ASAP2: variants seen among roughly 807,000 people sequenced by gnomAD.
ASAP2 encodes ArfGAP with SH3 domain, ankyrin repeat and PH domain 2, also known as arf-GAP with SH3 domain, ANK repeat and PH domain-containing protein 2.
A neutral mutation model predicts 131.4 loss-of-function variants in ASAP2; 45 were observed. The ratio of observed to expected loss-of-function variants is 0.34; its 90% CI spans 0.27 to 0.44. The LOEUF (loss-of-function observed/expected upper bound fraction) is 0.44, where lower values mean the gene tolerates loss of function less well. Among genes scored for constraint, ASAP2 ranks in the 20% least tolerant of loss-of-function variants. The probability of loss-of-function intolerance (pLI) is 1.00; values close to 1 mark genes in which losing one functional copy is unlikely to be tolerated. For synonymous variants in ASAP2, 510 were observed against 503.0 expected (o/e 1.01, Z -0.19); for missense variants, 1,011 against 1,297.0 (o/e 0.78, Z 3.39).
At chr2:9,228,480 T>C (rs1336202761) in intron 1 of ASAP2, among the ~76,000 whole-genome samples, 2 of 152,220 alleles carry the variant, frequency 1.3e-5, no homozygotes, top group Non-Finnish European at 2.9e-5. Context: ...ATTTGGTCTT[T>C]GGTCTCTTTC....
intron 25 of ASAP2, 118 bp downstream of exon 25, chr2:9,400,190 G>GCCCTCCGGCCCCTC (rs1558405673): frequency 1.2e-6 from 1 of 804,750 alleles, no homozygotes; most frequent in African/African-American, 3.1e-5. Context: ...CCATTCCACA[G>GCCCTCCGGCCCCTC]CCCTCCTGCC....
chr2:9,363,546 T>C (rs902905826), intron 15 of ASAP2, among the ~76,000 whole-genome samples: 2 of 152,210 alleles, frequency 1.3e-5, no homozygotes, highest in Admixed American at 6.5e-5. Flanking sequence ...TAATGCTGTG[T>C]ACTTTTTCAT....
rs1397340627 is a variant in ASAP2 at position 9,232,016 on chromosome 2, G to A, written c.126+24786G>A. On this transcript the variant is annotated intron_variant, in intron 1 of 27. Coordinates refer to ENST00000281419, the MANE Select transcript of ASAP2 (RefSeq NM_003887.3). This position sits in a 1 kb window ranked among gnomAD's most constrained non-coding sequence, Gnocchi z 4.1. Reference sequence around the variant, plus strand: ...GCCCCTTCTCTCCATTCCTCCAGCTGCAGTGGGTGCCCCTGTCATTTGTCA... The same window carrying A: ...GCCCCTTCTCTCCATTCCTCCAGCTACAGTGGGTGCCCCTGTCATTTGTCA... Among the ~76,000 whole-genome samples, 4 of 152,194 alleles carry A rather than the reference G, an allele frequency of 2.6e-5. No individual in the cohort carries two copies. The highest frequency in any genetic ancestry group is 7.2e-5 in the African/African-American group (3 of 41,464).
At chr2:9,388,999 T>C (rs965186043) in intron 22 of ASAP2, among the ~76,000 whole-genome samples, 3 of 152,314 alleles carry the variant, frequency 2.0e-5, no homozygotes, top group African/African-American at 7.2e-5. Flanking sequence ...ATAAAAGATA[T>C]TGGGGAACGA....
At chr2:9,328,167 C>G (rs190727438) in intron 7 of ASAP2, among the ~76,000 whole-genome samples, 350 of 152,182 alleles carry the variant, frequency 2.3e-3, no homozygotes, top group Non-Finnish European at 4.0e-3. Context: ...AGACAGAAAG[C>G]AGGTGAGTGA....
At chr2:9,290,097 T>G (rs1667718639) in intron 2 of ASAP2, among the ~76,000 whole-genome samples, 1 of 152,236 alleles carries the variant, frequency 6.6e-6, no homozygotes, top group Admixed American at 6.5e-5. Context: ...ACTTCTGTCT[T>G]GTCAAAGATG....
chr2:9,264,201 T>TA (rs1665781411), intron 1 of ASAP2, among the ~76,000 whole-genome samples: 4 of 130,746 alleles, frequency 3.1e-5, no homozygotes, highest in African/African-American at 9.4e-5. Flanking sequence ...AAAAAAATAA[T>TA]AATAATAATA....
intron 15 of ASAP2, among the ~76,000 whole-genome samples, chr2:9,360,581 A>G (rs568312935): frequency 6.6e-6 from 1 of 152,198 alleles, no homozygotes; most frequent in African/African-American, 2.4e-5. Flanking sequence ...CTGGTTTGCA[A>G]CCTGCCTGTT....
At chr2:9,239,994 C>T (rs1167197734) in intron 1 of ASAP2, among the ~76,000 whole-genome samples, 6 of 152,042 alleles carry the variant, frequency 3.9e-5, no homozygotes, top group Non-Finnish European at 7.4e-5. Context: ...AATTCTTTTC[C>T]CTGTCCTGCT....
chr2:9,247,903 C>T (rs184954004), intron 1 of ASAP2, among the ~76,000 whole-genome samples: 2 of 152,218 alleles, frequency 1.3e-5, no homozygotes, highest in African/African-American at 2.4e-5. Context: ...CTCTGCCCCC[C>T]ACACTGATAA....
intron 2 of ASAP2, among the ~76,000 whole-genome samples, chr2:9,290,013 CT>C (rs531679613): frequency 1.2e-3 from 176 of 152,192 alleles, no homozygotes; most frequent in African/African-American, 3.9e-3. Context: ...CTTCCAGTTG[CT>C]CATCCTGCAC....
chr2:9,272,948 T>C (rs1445578975), intron 1 of ASAP2, among the ~76,000 whole-genome samples: 5 of 152,232 alleles, frequency 3.3e-5, no homozygotes, highest in Admixed American at 1.3e-4. Context: ...TTGGCTACTA[T>C]AGCTCTATAG....
At chr2:9,271,452 T>A in intron 1 of ASAP2, 1 of 1,404,208 alleles carries the variant, frequency 7.1e-7, no homozygotes, top group South Asian at 1.2e-5. Flanking sequence ...ACGCCTTCAC[T>A]GGTTTCTTTT....
At chr2:9,313,408 C>T (rs1669439450) in intron 3 of ASAP2, among the ~76,000 whole-genome samples, 3 of 152,096 alleles carry the variant, frequency 2.0e-5, no homozygotes, top group South Asian at 4.1e-4. Flanking sequence ...TTCCCACTCA[C>T]TCGTGTACAT....
intron 1 of ASAP2, among the ~76,000 whole-genome samples, chr2:9,246,218 C>T (rs1007340200): frequency 6.6e-5 from 10 of 152,166 alleles, no homozygotes; most frequent in East Asian, 5.8e-4. Flanking sequence ...AACAGGTGGA[C>T]GGAACCAACT....
chr2:9,250,399 C>G (rs1053574277), intron 1 of ASAP2, among the ~76,000 whole-genome samples: 1 of 152,156 alleles, frequency 6.6e-6, no homozygotes, highest in African/African-American at 2.4e-5. Context: ...TCGCGGTGCC[C>G]CAGGTGCCAT....
At chr2:9,305,012 GAT>G (rs1668768712) in intron 3 of ASAP2, among the ~76,000 whole-genome samples, 1 of 149,294 alleles carries the variant, frequency 6.7e-6, no homozygotes, top group Non-Finnish European at 1.5e-5. Flanking sequence ...GTGGGGTAAA[GAT>G]ATTGGTGGAG....
intron 1 of ASAP2, among the ~76,000 whole-genome samples, chr2:9,278,934 C>A (rs1437427104): frequency 6.6e-6 from 1 of 152,178 alleles, no homozygotes; most frequent in Non-Finnish European, 1.5e-5. Context: ...GAGTCCCTGG[C>A]AGGCAGGGGC....
intron 3 of ASAP2, among the ~76,000 whole-genome samples, chr2:9,300,635 G>C (rs940862983): frequency 6.6e-6 from 1 of 152,228 alleles, no homozygotes; most frequent in Admixed American, 6.5e-5. Flanking sequence ...AGGATACTCT[G>C]TTTCATTTAT....
Sources: allele counts gnomAD v4.1 joint callset (sites outside exome capture counted in the v4.1 genomes callset), GRCh38; gene constraint gnomAD v4.1.1; non-coding constraint Gnocchi (gnomAD v3.1); transcripts MANE v1.5; gene names NCBI Gene and HGNC (gene_info 2026-07-23, HGNC 2026-07-21).